The following CNTN2 variants were observed in gnomAD, a reference collection of about 807,000 sequenced individuals.
The protein encoded by CNTN2 is contactin 2.
Under a neutral mutation model 117.5 loss-of-function variants are expected in CNTN2, and 53 were observed. That is an observed-to-expected ratio of 0.45 (90% CI 0.36 to 0.57). CNTN2 has a LOEUF of 0.57. CNTN2 is among the 20% of genes least tolerant of loss of function. CNTN2 has a pLI of 0.00. For synonymous variants in CNTN2, 530 were observed against 561.7 expected (o/e 0.94, Z 0.80); for missense variants, 1,106 against 1,404.3 (o/e 0.79, Z 3.39).
Position 205,059,496 on chromosome 1 carries a change from T to G in CNTN2, c.698-87T>G. The stretch of plus-strand genomic sequence containing the variant: ...TTCCACACAGCTGCCTAGACAGAGT[T>G]GGCTCTGAAAGGTGCTGAGATCCCA... On this transcript the variant is annotated intron_variant, in intron 6 of 22. Transcript: ENST00000331830. The surrounding 1 kb of genome is among the most constrained non-coding windows in gnomAD (Gnocchi z 5.6). The G allele has an allele frequency of 7.5e-7, 1 of 1,337,166 alleles. No individual in the cohort carries two copies. 82.8% of individuals were successfully genotyped at this position (1,337,166 alleles called of 1,614,324 possible).
chr1:205,066,643 T>G, intron 15 of CNTN2, 44 bp downstream of exon 15: 1 of 1,603,616 alleles, frequency 6.2e-7, no homozygotes. Context: ...AAGGCTCGAC[T>G]GGGTGTAGGA....
Position 205,064,442 on chromosome 1 carries a change from AAGGC to A in CNTN2, c.1363_1366del (p.Gly455ArgfsTer10). On this transcript the variant is annotated frameshift_variant, in exon 11 of 23. Transcript: ENST00000331830. LOFTEE classifies it high-confidence loss of function. The stretch of plus-strand genomic sequence containing the variant: ...CCAAAGGCCGTGGTGCTCTGGAGCA[AAGGC>A]ACGGAGATTTTGGTCAACAGCAGCA... 1 of 1,611,682 alleles carries A rather than the reference AAGGC, an allele frequency of 6.2e-7. No individual in the cohort carries two copies. Among genetic ancestry groups the A allele is most frequent in the Non-Finnish European group, 8.5e-7 (1 of 1,178,054 alleles).
intron 10 of CNTN2, among the ~76,000 whole-genome samples, chr1:205,063,893 A>T (rs912629679): frequency 9.2e-5 from 14 of 152,048 alleles, no homozygotes; most frequent in Non-Finnish European, 2.1e-4. Context: ...CACAACTTCA[A>T]AAGAGAGAGA....
At chr1:205,050,591 G>C (rs1426089424) in intron 1 of CNTN2, among the ~76,000 whole-genome samples, 2 of 151,882 alleles carry the variant, frequency 1.3e-5, no homozygotes, top group Non-Finnish European at 2.9e-5. Flanking sequence ...TGGTGACTTT[G>C]CCCAACTGCA....
intron 10 of CNTN2, among the ~76,000 whole-genome samples, 196 bp from the exon 11 acceptor site, chr1:205,064,126 A>AGGGGGGGGTGGGGGGGGGGGGGGGGGGG (rs11329962): frequency 1.1e-5 from 1 of 94,374 alleles, no homozygotes; most frequent in Non-Finnish European, 2.5e-5. Flanking sequence ...TGAGGGGCGG[A>AGGGGGGGGTGGGGGGGGGGGGGGGGGGG]GGGGGGGCGC....
intron 1 of CNTN2, among the ~76,000 whole-genome samples, chr1:205,052,061 C>T (rs930711705): frequency 6.6e-5 from 10 of 152,216 alleles, no homozygotes; most frequent in Non-Finnish European, 1.5e-4. Context: ...CAGCCAGGCT[C>T]TCTCCCCAAG....
At chr1:205,072,425 G>A in intron 20 of CNTN2, 58 bp from the exon 21 acceptor site, 8 of 1,429,424 alleles carry the variant, frequency 5.6e-6, no homozygotes, top group Non-Finnish European at 7.9e-6. Flanking sequence ...TAAAGGTGAG[G>A]GGGTGCGGGG....
rs1654185891 is a variant in CNTN2, at chr1:205,064,731, T to A, written c.1500T>A (p.Thr500=). 1 of 1,614,046 alleles carries A rather than the reference T, an allele frequency of 6.2e-7. No individual in the cohort carries two copies. The change falls in exon 12 of 23, where the codon ACT becomes ACA. Residue 500 remains threonine, a synonymous_variant. Coordinates refer to ENST00000331830, the MANE Select transcript of CNTN2 (RefSeq NM_005076.5). Reference sequence around the variant, plus strand: ...ACTTCATGGGCAAAGCCAACAGCACTGGAATCCTATCTGTGCGAGGTGAGG... The same window carrying A: ...ACTTCATGGGCAAAGCCAACAGCACAGGAATCCTATCTGTGCGAGGTGAGG... ...AENFMGKANS[T]GILSVRDATK... is the part of the protein sequence containing the mutation.
At position 205,054,863 on chromosome 1, in the gene CNTN2, G is replaced by A. The variant is rs558707114; in HGVS notation, c.70+1608G>A. Among the ~76,000 whole-genome samples, 16 of 152,258 alleles carry A rather than the reference G, an allele frequency of 1.1e-4. No homozygotes were observed. In the East Asian group the frequency reaches 1.2e-3, roughly 11 times the overall value. On this transcript the variant is annotated intron_variant, in intron 2 of 22. Coordinates refer to ENST00000331830, the MANE Select transcript of CNTN2 (RefSeq NM_005076.5). ...TCCACCTTCTCATCTCTTTAACTCC[G>A]TTCCTCTGCAAGGTTTCTGACGCCT...
chr1:205,067,258 T>C lies in CNTN2; in HGVS notation c.2125+8T>C. 6.2e-7 allele frequency: 1 copy of C among 1,607,488 alleles called. No individual in the cohort carries two copies. The highest frequency in any genetic ancestry group is 8.5e-7 in the Non-Finnish European group (1 of 1,177,298). ...TCCGGACCAGGGAAGCAGGTGAGAG[T>C]CCTGTGTGTCCCAAAAAGCTATCAT... On this transcript the variant is annotated splice_region_variant and intron_variant, in intron 16 of 22. Coordinates refer to ENST00000331830, the MANE Select transcript of CNTN2 (RefSeq NM_005076.5).
rs764065990 is a variant in CNTN2, at chr1:205,058,366, G to A, written c.391+10G>A. 6.5e-6 allele frequency: 10 copies of A among 1,530,022 alleles called. No homozygotes were observed. Among genetic ancestry groups the A allele is most frequent in the African/African-American group, 2.8e-5 (2 of 72,396 alleles). 94.8% of individuals were successfully genotyped at this position (1,530,022 alleles called of 1,614,324 possible). Reference sequence around the variant, plus strand: ...ATCCTCCGCTTCGGCTGTGAGACCCGCGGGGGACCAAGACACTTTGGGGGA... The same window carrying A: ...ATCCTCCGCTTCGGCTGTGAGACCCACGGGGGACCAAGACACTTTGGGGGA... On this transcript the variant is annotated intron_variant, in intron 4 of 22. Transcript: ENST00000331830. This position sits in a 1 kb window ranked among gnomAD's most constrained non-coding sequence, Gnocchi z 4.3.
Position 205,074,595 on chromosome 1 carries a change from C to G in CNTN2, c.*830C>G. 1 of 398,846 alleles carries G rather than the reference C, an allele frequency of 2.5e-6. No individual in the cohort carries two copies. The highest frequency in any genetic ancestry group is 4.4e-6 in the Non-Finnish European group (1 of 226,118). The allele number at this position is 398,846 out of a possible 1,614,324, so 24.7% of individuals were successfully genotyped here. A position where few individuals can be genotyped will look rare whatever the true frequency, so the allele number is the denominator to read the frequency against. On this transcript the variant is annotated 3_prime_UTR_variant, in exon 23 of 23. Transcript: ENST00000331830. ...GTGGCTGGGTGACTAAAGGGCTTGT[C>G]TTGGTGGGGTCTCCCACCCCTCCAA...
chr1:205,065,264 T>C lies in CNTN2; in HGVS notation c.1695+2T>C, dbSNP rs763392794. On this transcript the variant is annotated splice_donor_variant, in intron 13 of 22. Transcript: ENST00000331830. LOFTEE classifies it high-confidence loss of function. The surrounding 1 kb of genome is among the most constrained non-coding windows in gnomAD (Gnocchi z 4.1). The stretch of plus-strand genomic sequence containing the variant: ...GGGCACTACCGGAGAACTAATGTGG[T>C]GAGACCTAGGGCCAGAGCCCCATGG... 1 of 1,614,102 alleles carries C rather than the reference T, an allele frequency of 6.2e-7. No homozygotes were observed. The highest frequency in any genetic ancestry group is 1.7e-5 in the Admixed American group (1 of 60,014).
At chr1:205,060,831 C>A in intron 7 of CNTN2, 1 of 177,434 alleles carries the variant, frequency 5.6e-6, no homozygotes, top group Non-Finnish European at 1.2e-5. Context: ...AACTAAAGTC[C>A]CTTTCAAAGT....
At position 205,073,851 on chromosome 1, in the gene CNTN2, C is replaced by T. The variant is rs1269962288; in HGVS notation, c.*86C>T. 2.7e-6 allele frequency: 3 copies of T among 1,108,972 alleles called. No individual in the cohort carries two copies. Among genetic ancestry groups the T allele is most frequent in the Non-Finnish European group, 4.0e-6 (3 of 746,128 alleles). The allele number at this position is 1,108,972 out of a possible 1,614,324, so 68.7% of individuals were successfully genotyped here. A position where few individuals can be genotyped will look rare whatever the true frequency, so the allele number is the denominator to read the frequency against. On this transcript the variant is annotated 3_prime_UTR_variant, in exon 23 of 23. Transcript: ENST00000331830. This position sits in a 1 kb window ranked among gnomAD's most constrained non-coding sequence, Gnocchi z 6.3. The stretch of plus-strand genomic sequence containing the variant: ...CCTTCCTGCTGCCAAGGTGGCCTGA[C>T]ACTGTGCCAGAGAGTGGCTGGTTTT...
At chr1:205,044,653 G>A (rs1030037191) in intron 1 of CNTN2, among the ~76,000 whole-genome samples, 14 of 152,202 alleles carry the variant, frequency 9.2e-5, no homozygotes, top group East Asian at 3.8e-4. Flanking sequence ...TCTCCCAACC[G>A]TCTGGCCAAA....
At chr1:205,072,692 G>C in intron 21 of CNTN2, 97 bp downstream of exon 21, 1 of 870,900 alleles carries the variant, frequency 1.1e-6, no homozygotes, top group East Asian at 2.5e-5. Flanking sequence ...AGAGGCATCT[G>C]AGTGAGACAT....
intron 2 of CNTN2, among the ~76,000 whole-genome samples, chr1:205,056,061 A>G (rs768088866): frequency 2.6e-5 from 4 of 152,170 alleles, no homozygotes; most frequent in Non-Finnish European, 5.9e-5. Context: ...GAGCGTGCAT[A>G]TAAGAAAATG....
In CNTN2 at chr1:205,061,469, C is replaced by T. The variant is rs1346854338; in HGVS notation, c.973+49C>T. ...CCGCCCCTCCCGACCCCCCTTCCCG[C>T]CTTCACCCTTGTCCCCAAGGAAACA... is the stretch of plus-strand genomic sequence containing the variant. On this transcript the variant is annotated intron_variant, in intron 8 of 22. Transcript: ENST00000331830. This position sits in a 1 kb window ranked among gnomAD's most constrained non-coding sequence, Gnocchi z 4.8. The T allele has an allele frequency of 2.7e-6, 4 of 1,506,424 alleles. No homozygotes were observed. Among genetic ancestry groups the T allele is most frequent in the African/African-American group, 1.4e-5 (1 of 72,672 alleles). The allele number at this position is 1,506,424 out of a possible 1,614,324, so 93.3% of individuals were successfully genotyped here. A position where few individuals can be genotyped will look rare whatever the true frequency, so the allele number is the denominator to read the frequency against.
Sources: allele counts gnomAD v4.1 joint callset (sites outside exome capture counted in the v4.1 genomes callset), GRCh38; gene constraint gnomAD v4.1.1; non-coding constraint Gnocchi (gnomAD v3.1); transcripts MANE v1.5; gene names NCBI Gene and HGNC (gene_info 2026-07-23, HGNC 2026-07-21).